The following FAF1 variants were observed in gnomAD, a reference collection of about 807,000 sequenced individuals.
FAF1 encodes Fas associated factor 1.
Under a neutral mutation model 92.5 loss-of-function variants are expected in FAF1, and 25 were observed. The ratio of observed to expected loss-of-function variants is 0.27; its 90% CI spans 0.20 to 0.38. The LOEUF is 0.38. Among genes scored for constraint, FAF1 ranks in the 10% least tolerant of loss-of-function variants. The pLI, the probability that FAF1 is intolerant of heterozygous loss-of-function variation, is 1.00. For synonymous variants in FAF1, 234 were observed against 273.2 expected (o/e 0.86, Z 1.42); for missense variants, 636 against 793.3 (o/e 0.80, Z 2.38).
intron 18 of FAF1, among the ~76,000 whole-genome samples, chr1:50,455,031 C>T (rs1646335380): frequency 1.3e-5 from 2 of 152,220 alleles, no homozygotes; most frequent in Non-Finnish European, 2.9e-5. Context: ...GGAGCTGCAT[C>T]CTCAGACCTC....
chr1:50,795,472 G>A (rs1165569361), intron 3 of FAF1, among the ~76,000 whole-genome samples: 1 of 152,154 alleles, frequency 6.6e-6, no homozygotes, highest in Non-Finnish European at 1.5e-5. Flanking sequence ...CATTACCTAG[G>A]AGCAGCTAGC....
chr1:50,802,953 TAG>T (rs1001575248), intron 2 of FAF1, among the ~76,000 whole-genome samples: 2 of 152,196 alleles, frequency 1.3e-5, no homozygotes, highest in African/African-American at 4.8e-5. Flanking sequence ...TGGAAATAAA[TAG>T]AGTGTAGGGT....
intron 7 of FAF1, among the ~76,000 whole-genome samples, chr1:50,700,479 T>C (rs1162291255): frequency 6.6e-6 from 1 of 152,188 alleles, no homozygotes; most frequent in Non-Finnish European, 1.5e-5. Context: ...CAAGTGTGAA[T>C]TAGTCTCTTC....
intron 2 of FAF1, among the ~76,000 whole-genome samples, chr1:50,814,038 G>A (rs1643942405): frequency 6.6e-6 from 1 of 152,048 alleles, no homozygotes; most frequent in African/African-American, 2.4e-5. Flanking sequence ...ATTAGGTACA[G>A]TAAGATATTA....
intron 6 of FAF1, among the ~76,000 whole-genome samples, chr1:50,731,426 G>A (rs1210236141): frequency 6.8e-6 from 1 of 148,126 alleles, no homozygotes; most frequent in African/African-American, 2.5e-5. Flanking sequence ...CTGGAGTGTA[G>A]TGGTACAGTC....
intron 3 of FAF1, among the ~76,000 whole-genome samples, 164 bp downstream of exon 3, chr1:50,801,467 T>C (rs1167734932): frequency 6.6e-6 from 1 of 152,226 alleles, no homozygotes; most frequent in East Asian, 1.9e-4. Flanking sequence ...GTTGGAGACT[T>C]TGGGGAATTA....
intron 7 of FAF1, among the ~76,000 whole-genome samples, chr1:50,656,047 C>T (rs552718918): frequency 6.6e-6 from 1 of 152,002 alleles, no homozygotes; most frequent in Non-Finnish European, 1.5e-5. Context: ...TAAAGTAGCA[C>T]AGGGCCGGGG....
chr1:50,691,683 C>T (rs145295249), intron 7 of FAF1, among the ~76,000 whole-genome samples: 168 of 152,210 alleles, frequency 1.1e-3, no homozygotes, highest in Non-Finnish European at 2.1e-3. Flanking sequence ...CTCCACCTCC[C>T]GGGTTCAAGC....
At chr1:50,667,212 A>G (rs918627508) in intron 7 of FAF1, among the ~76,000 whole-genome samples, 6 of 152,150 alleles carry the variant, frequency 3.9e-5, no homozygotes, top group African/African-American at 1.4e-4. Flanking sequence ...AAATAGTTAA[A>G]CTTTATCATG....
At chr1:50,930,050 A>G (rs1248441725) in intron 1 of FAF1, among the ~76,000 whole-genome samples, 1 of 152,054 alleles carries the variant, frequency 6.6e-6, no homozygotes. Context: ...CATTTTTTTC[A>G]TTTAGCTTAA....
At chr1:50,516,166 A>T (rs1245436996) in intron 15 of FAF1, among the ~76,000 whole-genome samples, 1 of 152,164 alleles carries the variant, frequency 6.6e-6, no homozygotes, top group Non-Finnish European at 1.5e-5. Flanking sequence ...AATTCAGGCA[A>T]TATAGCACTG....
chr1:50,864,638 T>C (rs1184732245), intron 1 of FAF1, among the ~76,000 whole-genome samples: 1 of 151,654 alleles, frequency 6.6e-6, no homozygotes, highest in Non-Finnish European at 1.5e-5. Flanking sequence ...GCTAGCCATA[T>C]GTAGAAAGCT....
intron 2 of FAF1, among the ~76,000 whole-genome samples, chr1:50,813,595 G>A (rs982395775): frequency 3.9e-5 from 6 of 152,136 alleles, no homozygotes; most frequent in South Asian, 2.1e-4. Context: ...TGAGTAGCTC[G>A]GACTACAGGC....
intron 18 of FAF1, among the ~76,000 whole-genome samples, chr1:50,455,183 A>T (rs1646336827): frequency 6.6e-6 from 1 of 152,210 alleles, no homozygotes; most frequent in Non-Finnish European, 1.5e-5. Context: ...GCTGACAGTA[A>T]GTCTGCATCA....
intron 13 of FAF1, among the ~76,000 whole-genome samples, chr1:50,566,827 C>T (rs781683457): frequency 1.3e-5 from 2 of 152,012 alleles, no homozygotes; most frequent in Admixed American, 6.6e-5. Context: ...TGTTGCACTG[C>T]AAATATAAGA....
At chr1:50,777,576 A>G (rs1206205226) in intron 4 of FAF1, among the ~76,000 whole-genome samples, 1 of 152,206 alleles carries the variant, frequency 6.6e-6, no homozygotes, top group Non-Finnish European at 1.5e-5. Flanking sequence ...AAACACAGAT[A>G]CGGTAAACTA....
chr1:50,501,221 G>A (rs1302639169), intron 15 of FAF1, among the ~76,000 whole-genome samples: 2 of 152,170 alleles, frequency 1.3e-5, no homozygotes, highest in Non-Finnish European at 2.9e-5. Context: ...TTTTAAAATG[G>A]AGAAAAGATT....
intron 2 of FAF1, among the ~76,000 whole-genome samples, chr1:50,833,635 CT>C (rs1346525467): frequency 6.6e-6 from 1 of 152,124 alleles, no homozygotes; most frequent in Admixed American, 6.5e-5. Context: ...AAGTTCCAAG[CT>C]TCTAATCAAG....
intron 8 of FAF1, among the ~76,000 whole-genome samples, chr1:50,601,551 G>A (rs994218389): frequency 2.6e-5 from 4 of 152,000 alleles, no homozygotes; most frequent in East Asian, 1.9e-4. Context: ...GCATGGTGGC[G>A]GGAGCCTGTA....
Sources: gnomAD v4.1 joint callset for allele counts (sites outside exome capture counted in the v4.1 genomes callset) on GRCh38, gnomAD v4.1.1 for gene constraint, MANE v1.5 for transcripts, NCBI Gene and HGNC (gene_info 2026-07-23, HGNC 2026-07-21) for gene names.